VRK2: variants seen among roughly 807,000 people sequenced by gnomAD.
VRK2 encodes the protein serine/threonine-protein kinase VRK2.
In VRK2, 60 loss-of-function variants were observed where a neutral mutation model predicts 57.6. The observed-to-expected ratio is 1.04, with a 90% CI of 0.85 to 1.29. The LOEUF (loss-of-function observed/expected upper bound fraction) is 1.29. VRK2 is among the 50% of genes most tolerant of loss of function. The pLI is 0.00. For synonymous variants in VRK2, 231 were observed against 199.2 expected, an observed-to-expected ratio of 1.16 and a Z score of -1.35; for missense variants, 705 against 588.1, an observed-to-expected ratio of 1.20 and a Z score of -2.06.
intron 7 of VRK2, among the ~76,000 whole-genome samples, chr2:58,090,262 G>T (rs1672183505): frequency 6.6e-6 from 1 of 152,032 alleles, no homozygotes; most frequent in Non-Finnish European, 1.5e-5. Flanking sequence ...TGGGTGTGGT[G>T]GTGGGTGCCT....
At chr2:58,133,750 C>T (rs190755285) in intron 9 of VRK2, among the ~76,000 whole-genome samples, 1 of 152,230 alleles carries the variant, frequency 6.6e-6, no homozygotes, top group Admixed American at 6.5e-5. Context: ...GGAATATTTG[C>T]ATTATACTTA....
intron 2 of VRK2, among the ~76,000 whole-genome samples, chr2:58,081,423 TATC>T (rs1338763088): frequency 6.6e-6 from 1 of 152,038 alleles, no homozygotes; most frequent in Non-Finnish European, 1.5e-5. Context: ...TTTTAAATTT[TATC>T]ATATTTTGTA....
chr2:58,014,503 G>A (rs1673515439), intron 1 of VRK2, among the ~76,000 whole-genome samples: 1 of 152,144 alleles, frequency 6.6e-6, no homozygotes, highest in Non-Finnish European at 1.5e-5. Context: ...TTAAAACCAG[G>A]TATAGCCTTT....
chr2:58,051,108 G>C (rs1189186064), intron 2 of VRK2, among the ~76,000 whole-genome samples: 1 of 152,156 alleles, frequency 6.6e-6, no homozygotes, highest in African/African-American at 2.4e-5. Context: ...GCCTCCCGAA[G>C]TGTTGGGATT....
At chr2:57,932,428 G>C (rs1670760539) in intron 1 of VRK2, among the ~76,000 whole-genome samples, 1 of 151,924 alleles carries the variant, frequency 6.6e-6, no homozygotes. Flanking sequence ...TCATCTTATT[G>C]ATTATCTTTT....
intron 1 of VRK2, chr2:58,047,559 G>A (rs768513248): frequency 2.7e-5 from 17 of 631,782 alleles, no homozygotes; most frequent in Non-Finnish European, 3.2e-5. Context: ...TAATTATTTA[G>A]AATTTATTCC....
intron 1 of VRK2, among the ~76,000 whole-genome samples, chr2:57,936,518 G>GTTTTTTTTTTTTTTTTT (rs200492675): frequency 3.7e-5 from 5 of 134,996 alleles, no homozygotes; most frequent in African/African-American, 8.7e-5. Flanking sequence ...GTTTTGTTTT[G>GTTTTTTTTTTTTTTTTT]TTTTGTTTTT....
chr2:57,989,639 A>G (rs950759514), intron 1 of VRK2, among the ~76,000 whole-genome samples: 43 of 152,352 alleles, frequency 2.8e-4, no homozygotes, highest in Middle Eastern at 3.4e-3. Flanking sequence ...TATAATCAAT[A>G]AACAACTAGG....
chr2:58,038,463 T>C (rs1674343915), intron 3 of VRK2, among the ~76,000 whole-genome samples: 1 of 152,182 alleles, frequency 6.6e-6, no homozygotes, highest in South Asian at 2.1e-4. Context: ...CTTTCTGCCT[T>C]ACAGTGGTGT....
intron 11 of VRK2, among the ~76,000 whole-genome samples, chr2:58,143,984 C>T (rs1283344777): frequency 1.3e-5 from 2 of 150,778 alleles, no homozygotes; most frequent in African/African-American, 4.9e-5. Flanking sequence ...TATATATGCA[C>T]ACATATATAC....
At chr2:57,952,424 A>G (rs2103979519) in intron 1 of VRK2, among the ~76,000 whole-genome samples, 1 of 152,308 alleles carries the variant, frequency 6.6e-6, no homozygotes, top group South Asian at 2.1e-4. Flanking sequence ...GATAACAAAA[A>G]CGAAAGAGGG....
intron 12 of VRK2, among the ~76,000 whole-genome samples, chr2:58,153,584 T>C (rs1414450588): frequency 6.6e-6 from 1 of 152,114 alleles, no homozygotes; most frequent in African/African-American, 2.4e-5. Context: ...TTTTATATTA[T>C]TCTTTTTATA....
chr2:57,976,533 C>T (rs1200421739), intron 1 of VRK2, among the ~76,000 whole-genome samples: 1 of 151,918 alleles, frequency 6.6e-6, no homozygotes, highest in Non-Finnish European at 1.5e-5. Context: ...TCTCTTCATG[C>T]CAGTTACTCA....
At chr2:57,934,067 A>G (rs1480787987) in intron 1 of VRK2, among the ~76,000 whole-genome samples, 2 of 152,184 alleles carry the variant, frequency 1.3e-5, no homozygotes, top group Non-Finnish European at 2.9e-5. Flanking sequence ...TGATGTCATA[A>G]TTTACATATT....
rs191939676 is a variant in VRK2 at position 58,023,208 on chromosome 2, G to A, written c.-438-2457G>A. Among the ~76,000 whole-genome samples the A allele has an allele frequency of 3.1e-4, 47 of 152,244 alleles. 2 individuals carry two copies. Among genetic ancestry groups the A allele is most frequent in the Admixed American group, 1.4e-3 (21 of 15,300 alleles). On this transcript the variant is annotated intron_variant, in intron 1 of 15. Transcript: ENST00000417641. Reference sequence around the variant, plus strand: ...GTATGAATTTGACTACTTTAGGCACGTCAAATAAGTTGAATCATACCGTAT... The same window carrying A: ...GTATGAATTTGACTACTTTAGGCACATCAAATAAGTTGAATCATACCGTAT...
At chr2:58,102,198 AC>A (rs1167912457) in intron 7 of VRK2, among the ~76,000 whole-genome samples, 1 of 151,596 alleles carries the variant, frequency 6.6e-6, no homozygotes, top group African/African-American at 2.4e-5. Context: ...GTTGAATTGT[AC>A]CTTCTCAAAA....
chr2:58,046,477 G>A (rs1674761921), upstream of VRK2: 5 of 984,726 alleles, frequency 5.1e-6, no homozygotes, highest in South Asian at 1.9e-4. Flanking sequence ...TTGTGGTACA[G>A]GAGATCTAAC....
intron 1 of VRK2, among the ~76,000 whole-genome samples, chr2:57,936,914 C>T (rs985154357): frequency 1.3e-5 from 2 of 152,186 alleles, no homozygotes; most frequent in African/African-American, 4.8e-5. Context: ...ATTCTGCTCT[C>T]CAGATACCGC....
chr2:58,125,211 G>A (rs1362273350), intron 8 of VRK2, among the ~76,000 whole-genome samples: 3 of 152,018 alleles, frequency 2.0e-5, no homozygotes, highest in African/African-American at 7.2e-5. Context: ...TAGTGGAATT[G>A]CTAAGAAATC....
Sources: gnomAD v4.1 joint callset for allele counts (sites outside exome capture counted in the v4.1 genomes callset) on GRCh38, gnomAD v4.1.1 for gene constraint, MANE v1.5 for transcripts, NCBI Gene and HGNC (gene_info 2026-07-23, HGNC 2026-07-21) for gene names.